TYR: variants seen among roughly 807,000 people sequenced by gnomAD.
TYR encodes the protein LB24-AB.
In TYR, 58 loss-of-function variants were observed where a neutral mutation model predicts 51.5. The ratio of observed to expected loss-of-function variants is 1.13; its 90% CI spans 0.91 to 1.40. The LOEUF is 1.40. Among genes scored for constraint, TYR ranks in the 40% most tolerant of loss-of-function variants. The probability of loss-of-function intolerance (pLI) is 0.00; values close to 1 mark genes in which losing one functional copy is unlikely to be tolerated. For missense variants in TYR, 732 were observed against 647.4 expected, an observed-to-expected ratio of 1.13 and a Z score of -1.42; for synonymous variants, 263 against 235.2, an observed-to-expected ratio of 1.12 and a Z score of -1.08.
At chr11:89,235,999 CT>C (rs1565407778) in intron 3 of TYR, among the ~76,000 whole-genome samples, 4 of 151,976 alleles carry the variant, frequency 2.6e-5, no homozygotes, top group African/African-American at 9.7e-5. Context: ...GTCAATTTGT[CT>C]AGATGCCTTG....
At chr11:89,211,583 G>A (rs12417026) in intron 2 of TYR, among the ~76,000 whole-genome samples, 32,635 of 151,948 alleles carry the variant, frequency 0.21, 5,123 homozygotes, top group African/African-American at 0.45. Context: ...AATTGAACTC[G>A]GCTCTGGACC....
intron 2 of TYR, among the ~76,000 whole-genome samples, chr11:89,222,332 T>C (rs1459201394): frequency 1.3e-5 from 2 of 152,264 alleles, no homozygotes; most frequent in African/African-American, 2.4e-5. Flanking sequence ...ACCAGTTATA[T>C]CTGAATCTCT....
At chr11:89,208,209 G>A (rs114065834) in intron 2 of TYR, among the ~76,000 whole-genome samples, 2,204 of 152,328 alleles carry the variant, frequency 0.014, 49 homozygotes, top group African/African-American at 0.051. Context: ...GGCGGAGCCT[G>A]CAGTGAGTGG....
rs1943444615 is a variant in TYR, at chr11:89,191,424, C to A, written c.1036+6C>A. 6.2e-7 allele frequency: 1 copy of A among 1,611,436 alleles called. No homozygotes were observed. Among genetic ancestry groups the A allele is most frequent in the Admixed American group, 1.7e-5 (1 of 59,922 alleles). ...CTTTAGAAATACACTGGAAGGTAAT[C>A]TCTTTCTTTTCACTTTTAATTTTTT... On this transcript the variant is annotated splice_donor_region_variant and intron_variant, in intron 2 of 4. Transcript: ENST00000263321.
intron 2 of TYR, among the ~76,000 whole-genome samples, chr11:89,200,989 C>T (rs577771894): frequency 6.6e-6 from 1 of 152,194 alleles, no homozygotes; most frequent in African/African-American, 2.4e-5. Flanking sequence ...GAGTATTTTA[C>T]CCATTAGTGA....
intron 3 of TYR, among the ~76,000 whole-genome samples, chr11:89,243,765 T>C (rs10830244): frequency 0.46 from 69,271 of 151,966 alleles, 16,960 homozygotes; most frequent in African/African-American, 0.65. Flanking sequence ...TCTCAAAGCA[T>C]TCTATAAATA....
chr11:89,191,851 A>G (rs1943450370), intron 2 of TYR, among the ~76,000 whole-genome samples: 1 of 152,218 alleles, frequency 6.6e-6, no homozygotes, highest in South Asian at 2.1e-4. Flanking sequence ...TACAGGCAAT[A>G]GGCAACCTAA....
chr11:89,186,153 T>C (rs1943369526), intron 1 of TYR, among the ~76,000 whole-genome samples: 1 of 152,164 alleles, frequency 6.6e-6, no homozygotes. Context: ...CATCTGACTT[T>C]AGCAGCAGGA....
At chr11:89,202,329 A>G (rs969902122) in intron 2 of TYR, among the ~76,000 whole-genome samples, 3 of 152,060 alleles carry the variant, frequency 2.0e-5, no homozygotes, top group Non-Finnish European at 4.4e-5. Context: ...TGAGGTCCAC[A>G]CACAACCTTC....
chr11:89,254,083 C>A (rs1944361092), intron 3 of TYR, among the ~76,000 whole-genome samples: 1 of 151,714 alleles, frequency 6.6e-6, no homozygotes, highest in African/African-American at 2.4e-5. Flanking sequence ...TTGAGATGAT[C>A]ATGTGATTTT....
intron 4 of TYR, among the ~76,000 whole-genome samples, chr11:89,291,006 T>C (rs1944847417): frequency 6.6e-6 from 1 of 151,994 alleles, no homozygotes; most frequent in Admixed American, 6.6e-5. Flanking sequence ...ATAGATTCTA[T>C]AGTTATATTT....
rs145186571 is a variant in TYR, at chr11:89,189,391, G to T, written c.820-1811G>T. Among the ~76,000 whole-genome samples, 9 of 151,734 alleles carry T rather than the reference G, an allele frequency of 5.9e-5. No individual in the cohort carries two copies. The East Asian group carries it at 1.7e-3, about 29-fold the overall frequency. ...AAAATCACCTTGGTTCTAGCTAAAGGATCAGAGAAATTTCTTTTCTTAAAA... is the reference window on the plus strand; with the variant it reads ...AAAATCACCTTGGTTCTAGCTAAAGTATCAGAGAAATTTCTTTTCTTAAAA... On this transcript the variant is annotated intron_variant, in intron 1 of 4. Transcript: ENST00000263321.
chr11:89,249,881 G>A (rs1944311787), intron 3 of TYR, among the ~76,000 whole-genome samples: 1 of 152,052 alleles, frequency 6.6e-6, no homozygotes, highest in Non-Finnish European at 1.5e-5. Flanking sequence ...GCCCAATGGA[G>A]AGAGGAGCCT....
chr11:89,275,916 C>A (rs886536864), intron 3 of TYR, among the ~76,000 whole-genome samples: 2 of 151,790 alleles, frequency 1.3e-5, no homozygotes. Flanking sequence ...AACCTTCAGG[C>A]TGAACTTAAA....
intron 1 of TYR, among the ~76,000 whole-genome samples, chr11:89,182,570 A>AAT (rs1943316082): frequency 6.6e-6 from 1 of 152,234 alleles, no homozygotes; most frequent in Non-Finnish European, 1.5e-5. Flanking sequence ...TTTATTGGTC[A>AAT]GAGTTTTCTG....
chr11:89,198,570 C>T lies in TYR; in HGVS notation c.1036+7152C>T, dbSNP rs140130938. Among the ~76,000 whole-genome samples the T allele has an allele frequency of 2.6e-5, 4 of 152,180 alleles. No homozygotes were observed. The East Asian group carries it at 7.7e-4, about 29-fold the overall frequency. Reference sequence around the variant, plus strand: ...TAATAACAATAAGAATTCCTATGTGCCAGACATTAATACTCCTCACATGTT... The same window carrying T: ...TAATAACAATAAGAATTCCTATGTGTCAGACATTAATACTCCTCACATGTT... On this transcript the variant is annotated intron_variant, in intron 2 of 4. Coordinates refer to ENST00000263321, the MANE Select transcript of TYR (RefSeq NM_000372.5).
At chr11:89,201,024 T>C (rs1444209554) in intron 2 of TYR, among the ~76,000 whole-genome samples, 1 of 152,188 alleles carries the variant, frequency 6.6e-6, no homozygotes, top group African/African-American at 2.4e-5. Context: ...GCATTGGTCA[T>C]TTGTAAAATA....
chr11:89,252,217 C>T (rs531201734), intron 3 of TYR, among the ~76,000 whole-genome samples: 1 of 146,010 alleles, frequency 6.8e-6, no homozygotes, highest in East Asian at 1.9e-4. Context: ...ACGATCAGTA[C>T]CAAGCCAGAA....
intron 2 of TYR, among the ~76,000 whole-genome samples, chr11:89,217,199 T>G (rs1403114088): frequency 1.3e-5 from 2 of 152,310 alleles, no homozygotes; most frequent in East Asian, 3.9e-4. Context: ...TCCAGACCTT[T>G]CAAGTTATTA....
Sources: gnomAD v4.1 joint callset for allele counts (sites outside exome capture counted in the v4.1 genomes callset) on GRCh38, gnomAD v4.1.1 for gene constraint, MANE v1.5 for transcripts, NCBI Gene and HGNC (gene_info 2026-07-23, HGNC 2026-07-21) for gene names.